Variants in MOSMO observed in about 807,000 individuals in gnomAD.
The protein encoded by MOSMO is modulator of smoothened protein.
MOSMO carries 5 observed loss-of-function variants against 18.4 expected under a neutral mutation model. That is an observed-to-expected ratio of 0.27 (90% CI 0.14 to 0.57). The LOEUF is 0.57. MOSMO is among the 20% of genes least tolerant of loss of function. MOSMO has a pLI of 0.92. For missense variants in MOSMO, 138 were observed against 211.8 expected, an observed-to-expected ratio of 0.65 and a Z score of 2.16; for synonymous variants, 82 against 82.3, an observed-to-expected ratio of 1.00 and a Z score of 0.02.
chr16:22,055,889 G>A (rs1424578898), intron 1 of MOSMO, among the ~76,000 whole-genome samples: 1 of 152,170 alleles, frequency 6.6e-6, no homozygotes, highest in Non-Finnish European at 1.5e-5. Context: ...GGGTGGAAAA[G>A]AAATGACTTT....
rs1215846766 is a variant in MOSMO at position 22,008,277 on chromosome 16, G to A, written c.-25G>A. ...AGGCCGCTGCCTGTCCGGGGCTCGGGGGGTGGGGGGAGCGGGGCGGGGAGA... is the reference window on the plus strand; with the variant it reads ...AGGCCGCTGCCTGTCCGGGGCTCGGAGGGTGGGGGGAGCGGGGCGGGGAGA... On this transcript the variant is annotated 5_prime_UTR_variant, in exon 1 of 3. Coordinates refer to ENST00000542527, the MANE Select transcript of MOSMO (RefSeq NM_001164579.2). 1.0e-5 allele frequency: 15 copies of A among 1,469,322 alleles called. No individual in the cohort carries two copies. Among genetic ancestry groups the A allele is most frequent in the Non-Finnish European group, 1.4e-5 (15 of 1,099,804 alleles). The allele number at this position is 1,469,322 out of a possible 1,614,324, so 91.0% of individuals were successfully genotyped here.
chr16:22,085,553 A>G (rs1390866582), downstream of MOSMO: 1 of 152,180 alleles, frequency 6.6e-6, no homozygotes, highest in Non-Finnish European at 1.5e-5. Context: ...ATTTGGTAAT[A>G]CCTTAGGAAA....
intron 1 of MOSMO, among the ~76,000 whole-genome samples, chr16:22,010,494 CA>C (rs955369860): frequency 3.9e-5 from 6 of 152,014 alleles, no homozygotes; most frequent in African/African-American, 1.5e-4. Context: ...AATCTTTTTA[CA>C]AAGAAGTTTT....
At chr16:22,034,753 T>G (rs1900071656) in intron 1 of MOSMO, among the ~76,000 whole-genome samples, 1 of 139,326 alleles carries the variant, frequency 7.2e-6, no homozygotes, top group Admixed American at 7.0e-5. Context: ...GGTTTTTTTT[T>G]TTTTTTTTTT....
chr16:22,028,463 A>C (rs1318823055), intron 1 of MOSMO, among the ~76,000 whole-genome samples: 1 of 151,760 alleles, frequency 6.6e-6, no homozygotes. Context: ...GTTTATTCAC[A>C]TTGTTTTACC....
chr16:22,052,093 A>C (rs1193744140), intron 1 of MOSMO, among the ~76,000 whole-genome samples: 1 of 152,148 alleles, frequency 6.6e-6, no homozygotes. Context: ...TATTCTACGG[A>C]TATAGTTTCA....
At chr16:22,026,215 CTT>C (rs1230886620) in intron 1 of MOSMO, among the ~76,000 whole-genome samples, 31 of 122,088 alleles carry the variant, frequency 2.5e-4, no homozygotes, top group Admixed American at 2.5e-4. Context: ...GAATTGCATT[CTT>C]TTTTTTTTTT....
chr16:22,057,401 C>G (rs1900558021), intron 1 of MOSMO, among the ~76,000 whole-genome samples: 1 of 152,222 alleles, frequency 6.6e-6, no homozygotes, highest in Admixed American at 6.5e-5. Context: ...CAGCATGAAT[C>G]TGCTTATAAG....
intron 1 of MOSMO, among the ~76,000 whole-genome samples, chr16:22,024,974 A>G (rs1899846493): frequency 6.6e-6 from 1 of 151,502 alleles, no homozygotes; most frequent in African/African-American, 2.4e-5. Context: ...ACATAGCAAG[A>G]CTTCATCTCT....
At chr16:22,053,154 G>A (rs1056928416) in intron 1 of MOSMO, among the ~76,000 whole-genome samples, 1 of 150,728 alleles carries the variant, frequency 6.6e-6, no homozygotes, top group African/African-American at 2.4e-5. Flanking sequence ...GTAGCGATGG[G>A]GTTTTGTCAT....
downstream of MOSMO, among the ~76,000 whole-genome samples, chr16:22,091,286 T>G (rs191614714): frequency 6.6e-6 from 1 of 152,322 alleles, no homozygotes; most frequent in East Asian, 1.9e-4. Context: ...AGTTTCTATT[T>G]TGAGCACGTT....
chr16:22,074,317 C>G (rs2141778801), intron 1 of MOSMO, among the ~76,000 whole-genome samples: 1 of 152,270 alleles, frequency 6.6e-6, no homozygotes, highest in Admixed American at 6.5e-5. Context: ...CACCTGTAAT[C>G]TCAGCACACT....
chr16:22,044,471 A>C (rs1900269344), intron 1 of MOSMO, among the ~76,000 whole-genome samples: 1 of 152,216 alleles, frequency 6.6e-6, no homozygotes, highest in Admixed American at 6.5e-5. Context: ...AATGCTCCAG[A>C]ATCCAAAACT....
chr16:22,074,831 A>G (rs1178857886), intron 1 of MOSMO, among the ~76,000 whole-genome samples: 1 of 152,202 alleles, frequency 6.6e-6, no homozygotes, highest in Non-Finnish European at 1.5e-5. Context: ...AACACTTGTA[A>G]ACTCTACAAA....
intron 1 of MOSMO, 70 bp from the exon 2 acceptor site, chr16:22,075,417 G>C: frequency 9.7e-7 from 1 of 1,034,486 alleles, no homozygotes; most frequent in Non-Finnish European, 1.3e-6. Flanking sequence ...AACTAAAGGG[G>C]TGGTGGTGAG....
At chr16:22,056,603 C>G (rs894986223) in intron 1 of MOSMO, among the ~76,000 whole-genome samples, 2 of 151,576 alleles carry the variant, frequency 1.3e-5, no homozygotes, top group Non-Finnish European at 2.9e-5. Context: ...AGGCTGGTCT[C>G]AAGCTCCCGA....
chr16:22,060,272 T>C (rs1900615784), intron 1 of MOSMO, among the ~76,000 whole-genome samples: 1 of 152,192 alleles, frequency 6.6e-6, no homozygotes, highest in Non-Finnish European at 1.5e-5. Flanking sequence ...GGGGGAAATA[T>C]TGGTAAAACA....
intron 1 of MOSMO, chr16:22,064,466 A>G (rs768570420): frequency 4.4e-6 from 2 of 453,732 alleles, no homozygotes; most frequent in South Asian, 3.1e-5. Context: ...GAATTCTTCC[A>G]TGGGAGTTTC....
downstream of MOSMO, chr16:22,084,681 C>A (rs1000793052): frequency 4.6e-5 from 7 of 152,168 alleles, no homozygotes; most frequent in African/African-American, 1.7e-4. Flanking sequence ...AAATAAGCTT[C>A]ATTTAAAAAA....
Sources: gnomAD v4.1 joint callset for allele counts (sites outside exome capture counted in the v4.1 genomes callset) on GRCh38, gnomAD v4.1.1 for gene constraint, MANE v1.5 for transcripts, NCBI Gene and HGNC (gene_info 2026-07-23, HGNC 2026-07-21) for gene names.